PIK3R5: variants seen among roughly 807,000 people sequenced by gnomAD.
PIK3R5 encodes phosphoinositide-3-kinase regulatory subunit 5, also known as phosphoinositide 3-kinase regulatory subunit 5.
Under a neutral mutation model 94.9 loss-of-function variants are expected in PIK3R5, and 32 were observed. That is an observed-to-expected ratio of 0.34 (90% CI 0.25 to 0.45). The LOEUF (loss-of-function observed/expected upper bound fraction) is 0.45, where lower values mean the gene tolerates loss of function less well. PIK3R5 is among the 20% of genes least tolerant of loss of function. The pLI is 1.00. For synonymous variants in PIK3R5, 443 were observed against 479.4 expected (o/e 0.92, Z 0.99); for missense variants, 853 against 1,144.6 (o/e 0.75, Z 3.68).
chr17:8,888,798 ACCTCCTCCT>A lies in PIK3R5; in HGVS notation c.980_988del (p.Glu327_Glu329del). ...CCCGTCAGTTTCCAAGTCCTCCTCC[ACCTCCTCCT>A]CCTCCTCTTCCTCCTCTTCATCATC... On this transcript the variant is annotated inframe_deletion, in exon 10 of 19. Coordinates refer to ENST00000447110, the MANE Select transcript of PIK3R5 (RefSeq NM_001142633.3). The surrounding 1 kb of genome is among the most constrained non-coding windows in gnomAD (Gnocchi z 7.8). 1.3e-6 allele frequency: 2 copies of A among 1,597,438 alleles called. No individual in the cohort carries two copies. The highest frequency in any genetic ancestry group is 1.7e-6 in the Non-Finnish European group (2 of 1,167,900).
Position 8,890,189 on chromosome 17 carries a change from A to G in PIK3R5, c.658-63T>C. The G allele has an allele frequency of 6.4e-7, 1 of 1,552,652 alleles. No homozygotes were observed. Among genetic ancestry groups the G allele is most frequent in the Non-Finnish European group, 8.8e-7 (1 of 1,132,380 alleles). On this transcript the variant is annotated intron_variant, in intron 7 of 18. Transcript: ENST00000447110. This position sits in a 1 kb window ranked among gnomAD's most constrained non-coding sequence, Gnocchi z 6.1. The stretch of plus-strand genomic sequence containing the variant: ...CGTGAGCTAGCTGTCCACCTGTTCC[A>G]GTTGCTAGCTTCTTACTGAGGGAGG...
Position 8,888,933 on chromosome 17 carries a change from C to G in PIK3R5, c.896-42G>C. ...CCAGCACTGTCTGGGCGTCTGGGCCCCGGATCCCCTTCTATATTCCCTTTG... is the reference window on the plus strand; with the variant it reads ...CCAGCACTGTCTGGGCGTCTGGGCCGCGGATCCCCTTCTATATTCCCTTTG... On this transcript the variant is annotated intron_variant, in intron 9 of 18. Transcript: ENST00000447110. The surrounding 1 kb of genome is among the most constrained non-coding windows in gnomAD (Gnocchi z 7.8). 6.4e-7 allele frequency: 1 copy of G among 1,561,076 alleles called. No homozygotes were observed. Among genetic ancestry groups the G allele is most frequent in the Non-Finnish European group, 8.6e-7 (1 of 1,158,008 alleles).
At position 8,905,690 on chromosome 17, in the gene PIK3R5, G is replaced by C. The variant is rs1302605911; in HGVS notation, c.252C>G (p.Leu84=). ...TYDLLTPLAL[L]FYSTVLCTPH... ...TTACACAAAGAACAGTGGAATAGAA[G>C]AGCAGGGCCAGCGGGGTGAGCAGGT... Residue 84 remains leucine, a synonymous_variant, in exon 4 of 19, where the codon CTC becomes CTG. Coordinates refer to ENST00000447110, the MANE Select transcript of PIK3R5 (RefSeq NM_001142633.3). 1 of 1,606,640 alleles carries C rather than the reference G, an allele frequency of 6.2e-7. No homozygotes were observed. The highest frequency in any genetic ancestry group is 8.5e-7 in the Non-Finnish European group (1 of 1,176,708).
intron 1 of PIK3R5, among the ~76,000 whole-genome samples, chr17:8,940,858 G>A (rs2091167570): frequency 6.6e-6 from 1 of 152,164 alleles, no homozygotes; most frequent in African/African-American, 2.4e-5. Context: ...ACTGTGCCTG[G>A]CCCCTGCTGT....
intron 1 of PIK3R5, among the ~76,000 whole-genome samples, chr17:8,964,459 G>A (rs1482853041): frequency 2.0e-5 from 3 of 152,126 alleles, no homozygotes; most frequent in Non-Finnish European, 4.4e-5. Flanking sequence ...TATGAATCAG[G>A]AGACTGAGGC....
Position 8,896,603 on chromosome 17 carries a change from G to A in PIK3R5, c.413-2948C>T, listed in dbSNP as rs566151643. On this transcript the variant is annotated intron_variant, in intron 5 of 18. Coordinates refer to ENST00000447110, the MANE Select transcript of PIK3R5 (RefSeq NM_001142633.3). This position sits in a 1 kb window ranked among gnomAD's most constrained non-coding sequence, Gnocchi z 4.0. Reference sequence around the variant, plus strand: ...CTGGCCCAGGTGTCCAAGGCCCTTCGCCATTAAGCCTTGTTCACCCATCAA... The same window carrying A: ...CTGGCCCAGGTGTCCAAGGCCCTTCACCATTAAGCCTTGTTCACCCATCAA... Among the ~76,000 whole-genome samples, 7 of 152,228 alleles carry A rather than the reference G, an allele frequency of 4.6e-5. No individual in the cohort carries two copies. Among genetic ancestry groups the A allele is most frequent in the South Asian group, 4.1e-4 (2 of 4,820 alleles).
At position 8,935,778 on chromosome 17, in the gene PIK3R5, C is replaced by A. The variant is rs545108410; in HGVS notation, c.-13-24271G>T. Among the ~76,000 whole-genome samples, 3 of 151,954 alleles carry A rather than the reference C, an allele frequency of 2.0e-5. No individual in the cohort carries two copies. The highest frequency in any genetic ancestry group is 3.2e-3 in the Middle Eastern group (1 of 316). On this transcript the variant is annotated intron_variant, in intron 1 of 18. Coordinates refer to ENST00000447110, the MANE Select transcript of PIK3R5 (RefSeq NM_001142633.3). The surrounding 1 kb of genome is among the most constrained non-coding windows in gnomAD (Gnocchi z 4.5). ...CAGTCAACATAAGAAGACAAGGCCA[C>A]GCATGGTGGCTCACGCTTGTAATCC...
Position 8,911,816 on chromosome 17 carries a change from T to G in PIK3R5, c.-13-309A>C. On this transcript the variant is annotated intron_variant, in intron 1 of 18. Coordinates refer to ENST00000447110, the MANE Select transcript of PIK3R5 (RefSeq NM_001142633.3). The surrounding 1 kb of genome is among the most constrained non-coding windows in gnomAD (Gnocchi z 5.3). ...CTGGGCAGTGGGAAGTGTCGCCAAG[T>G]ACCCAGGGAGTGGTCAGACCCCAGT... 4.7e-6 allele frequency: 1 copy of G among 214,652 alleles called. No homozygotes were observed. The highest frequency in any genetic ancestry group is 9.4e-6 in the Non-Finnish European group (1 of 106,520). The allele number at this position is 214,652 out of a possible 1,614,324, so 13.3% of individuals were successfully genotyped here. A position where few individuals can be genotyped will look rare whatever the true frequency, so the allele number is the denominator to read the frequency against.
Position 8,896,990 on chromosome 17 carries a change from C to T in PIK3R5, c.413-3335G>A, listed in dbSNP as rs1456405962. Among the ~76,000 whole-genome samples, 3 of 152,220 alleles carry T rather than the reference C, an allele frequency of 2.0e-5. No individual in the cohort carries two copies. The highest frequency in any genetic ancestry group is 7.2e-5 in the African/African-American group (3 of 41,452). Reference sequence around the variant, plus strand: ...AACTCATGGTGGACAGTTTGACCTACCTCATACCCTGAAGCAAACACCAGG... The same window carrying T: ...AACTCATGGTGGACAGTTTGACCTATCTCATACCCTGAAGCAAACACCAGG... On this transcript the variant is annotated intron_variant, in intron 5 of 18. Transcript: ENST00000447110. The surrounding 1 kb of genome is among the most constrained non-coding windows in gnomAD (Gnocchi z 4.0).
chr17:8,941,591 G>T lies in PIK3R5; in HGVS notation c.-14+24005C>A, dbSNP rs561584274. Among the ~76,000 whole-genome samples the T allele has an allele frequency of 3.4e-3, 525 of 152,302 alleles. 2 individuals are homozygous for T. The highest frequency in any genetic ancestry group is 0.012 in the African/African-American group (500 of 41,584). ...TTCCAAGAAAAGCAAGCTGTGCTGC[G>T]CTTGCCCCCAGGCACAGCCGCAGAA... On this transcript the variant is annotated intron_variant, in intron 1 of 18. Coordinates refer to ENST00000447110, the MANE Select transcript of PIK3R5 (RefSeq NM_001142633.3).
intron 3 of PIK3R5, among the ~76,000 whole-genome samples, chr17:8,908,755 G>A (rs1349740015): frequency 1.3e-5 from 2 of 152,026 alleles, no homozygotes; most frequent in Non-Finnish European, 2.9e-5. Flanking sequence ...TCCTGTCTTT[G>A]TTTTTATGGA....
chr17:8,880,388 T>C lies in PIK3R5; in HGVS notation c.*251A>G, dbSNP rs1426718770. 2 of 408,536 alleles carry C rather than the reference T, an allele frequency of 4.9e-6. No homozygotes were observed. The highest frequency in any genetic ancestry group is 8.7e-6 in the Non-Finnish European group (2 of 229,982). 25.3% of individuals were successfully genotyped at this position (408,536 alleles called of 1,614,324 possible). Reference sequence around the variant, plus strand: ...GGGACTTCAGAGGTCAATTTACCCATCCTTCTCCTTCTACTGCCAGGAATC... The same window carrying C: ...GGGACTTCAGAGGTCAATTTACCCACCCTTCTCCTTCTACTGCCAGGAATC... On this transcript the variant is annotated 3_prime_UTR_variant, in exon 19 of 19. Coordinates refer to ENST00000447110, the MANE Select transcript of PIK3R5 (RefSeq NM_001142633.3).
intron 1 of PIK3R5, among the ~76,000 whole-genome samples, chr17:8,913,462 T>G (rs975143973): frequency 1.3e-5 from 2 of 152,242 alleles, no homozygotes; most frequent in African/African-American, 2.4e-5. Context: ...ATCCCAGCAC[T>G]TTGGGAGGCC....
chr17:8,879,125 C>T lies in PIK3R5; in HGVS notation c.*1514G>A, dbSNP rs888214445. 2.0e-4 allele frequency: 30 copies of T among 152,256 alleles called. No homozygotes were observed. Among genetic ancestry groups the T allele is most frequent in the African/African-American group, 6.3e-4 (26 of 41,522 alleles). The allele number at this position is 152,256 out of a possible 1,614,324, so 9.4% of individuals were successfully genotyped here. On this transcript the variant is annotated 3_prime_UTR_variant, in exon 19 of 19. Transcript: ENST00000447110. This position sits in a 1 kb window ranked among gnomAD's most constrained non-coding sequence, Gnocchi z 4.4. ...GCAAGGTAGAAGCTGGCTCTGTCCA[C>T]GTCTCTCAAGTCATGAGTACTCTGG...
intron 5 of PIK3R5, among the ~76,000 whole-genome samples, chr17:8,899,503 A>G (rs1435613662): frequency 6.6e-6 from 1 of 152,214 alleles, no homozygotes; most frequent in Non-Finnish European, 1.5e-5. Context: ...AGGCATTGCT[A>G]TACACCCATT....
In PIK3R5 at chr17:8,889,276, G is replaced by C. The variant is rs539336556; in HGVS notation, c.812-54C>G. The C allele has an allele frequency of 3.0e-6, 4 of 1,337,264 alleles. No individual in the cohort carries two copies. The East Asian group carries it at 9.3e-5, about 31-fold the overall frequency. The allele number at this position is 1,337,264 out of a possible 1,614,324, so 82.8% of individuals were successfully genotyped here. A position where few individuals can be genotyped will look rare whatever the true frequency, so the allele number is the denominator to read the frequency against. On this transcript the variant is annotated intron_variant, in intron 8 of 18. Coordinates refer to ENST00000447110, the MANE Select transcript of PIK3R5 (RefSeq NM_001142633.3). The surrounding 1 kb of genome is among the most constrained non-coding windows in gnomAD (Gnocchi z 4.1). ...GGGCTGGGAAGAGGCCTTGGAGATT[G>C]GCCAGTCCAGTCCCCTTGCCTTGGA...
chr17:8,960,734 G>A (rs2091549169), intron 1 of PIK3R5, among the ~76,000 whole-genome samples: 1 of 152,172 alleles, frequency 6.6e-6, no homozygotes, highest in Admixed American at 6.5e-5. Context: ...TCACACCCCA[G>A]CCCTGCACTC....
chr17:8,949,275 G>T (rs141755385), intron 1 of PIK3R5, among the ~76,000 whole-genome samples: 1 of 152,304 alleles, frequency 6.6e-6, no homozygotes, highest in Non-Finnish European at 1.5e-5. Flanking sequence ...TCGAGCTGGT[G>T]AATGACACAT....
At chr17:8,918,237 G>A (rs1394659494) in intron 1 of PIK3R5, among the ~76,000 whole-genome samples, 2 of 152,156 alleles carry the variant, frequency 1.3e-5, no homozygotes, top group African/African-American at 4.8e-5. Flanking sequence ...TCCAATAAAA[G>A]GAAACAGAGC....
Sources: gnomAD v4.1 joint callset for allele counts (sites outside exome capture counted in the v4.1 genomes callset) on GRCh38, gnomAD v4.1.1 for gene constraint, Gnocchi (gnomAD v3.1) non-coding constraint, MANE v1.5 for transcripts, NCBI Gene and HGNC (gene_info 2026-07-23, HGNC 2026-07-21) for gene names.